Variants in MAML2 observed in about 807,000 individuals in gnomAD.
MAML2 encodes the protein mastermind-like protein 2.
In MAML2, 22 loss-of-function variants were observed where a neutral mutation model predicts 96.1. The observed-to-expected ratio is 0.23, with a 90% CI of 0.16 to 0.33. The LOEUF (loss-of-function observed/expected upper bound fraction) is 0.33. Ranked by LOEUF, MAML2 falls within the 10% of genes least tolerant of loss-of-function variation. The pLI, the probability that MAML2 is intolerant of heterozygous loss-of-function variation, is 1.00. For synonymous variants in MAML2, 561 were observed against 521.3 expected (o/e 1.08, Z -1.04); for missense variants, 1,367 against 1,392.4 (o/e 0.98, Z 0.29).
At chr11:96,102,768 G>C (rs1273860594) in intron 1 of MAML2, among the ~76,000 whole-genome samples, 1 of 152,294 alleles carries the variant, frequency 6.6e-6, no homozygotes, top group East Asian at 1.9e-4. Flanking sequence ...GCAAGGATCT[G>C]AGGGGACATT....
At chr11:95,997,897 T>C (rs1406898080) in intron 2 of MAML2, among the ~76,000 whole-genome samples, 1 of 152,124 alleles carries the variant, frequency 6.6e-6, no homozygotes, top group Non-Finnish European at 1.5e-5. Context: ...TTTAAAATTA[T>C]CTCAAATCAG....
intron 1 of MAML2, among the ~76,000 whole-genome samples, chr11:96,116,307 T>C (rs994150987): frequency 6.6e-6 from 1 of 152,190 alleles, no homozygotes; most frequent in Non-Finnish European, 1.5e-5. Flanking sequence ...ATGGACTCAA[T>C]GTACTCTATG....
At chr11:96,103,500 G>A (rs992826777) in intron 1 of MAML2, among the ~76,000 whole-genome samples, 6 of 152,148 alleles carry the variant, frequency 3.9e-5, no homozygotes, top group South Asian at 2.1e-4. Flanking sequence ...AACAGTGTTC[G>A]AGGGTTGTTT....
At chr11:96,046,352 GT>G (rs934962151) in intron 2 of MAML2, among the ~76,000 whole-genome samples, 14 of 149,180 alleles carry the variant, frequency 9.4e-5, no homozygotes, top group Admixed American at 2.0e-4. Flanking sequence ...TTTGTTGTTG[GT>G]TTTTTTTTTC....
intron 1 of MAML2, among the ~76,000 whole-genome samples, chr11:96,336,187 G>A (rs957897460): frequency 2.0e-5 from 3 of 152,086 alleles, no homozygotes; most frequent in Non-Finnish European, 2.9e-5. Flanking sequence ...TAAAATCTAT[G>A]CATTAAATTA....
intron 1 of MAML2, among the ~76,000 whole-genome samples, chr11:96,184,575 G>A (rs1057393500): frequency 6.6e-6 from 1 of 150,612 alleles, no homozygotes; most frequent in African/African-American, 2.4e-5. Flanking sequence ...AAGCAACTCT[G>A]AATATAGTCA....
At chr11:96,237,210 G>A (rs188016657) in intron 1 of MAML2, among the ~76,000 whole-genome samples, 22 of 152,292 alleles carry the variant, frequency 1.4e-4, no homozygotes, top group African/African-American at 4.1e-4. Context: ...TGGCCAGTCA[G>A]TATTCTTCTC....
chr11:96,165,332 A>G (rs1817868095), intron 1 of MAML2, among the ~76,000 whole-genome samples: 1 of 152,232 alleles, frequency 6.6e-6, no homozygotes. Flanking sequence ...GCAGAGATCC[A>G]TAATTTGCAT....
intron 1 of MAML2, among the ~76,000 whole-genome samples, chr11:96,209,357 G>C (rs117293323): frequency 6.6e-6 from 1 of 152,056 alleles, no homozygotes. Context: ...ATCAAGAAAG[G>C]CTGGGTGCAG....
At chr11:96,035,633 A>G (rs776527432) in intron 2 of MAML2, among the ~76,000 whole-genome samples, 10 of 152,236 alleles carry the variant, frequency 6.6e-5, no homozygotes, top group Non-Finnish European at 1.5e-4. Context: ...AGATCTCAGA[A>G]GGAAGGAAGC....
chr11:96,120,314 C>G (rs566319273), intron 1 of MAML2, among the ~76,000 whole-genome samples: 1 of 152,288 alleles, frequency 6.6e-6, no homozygotes, highest in South Asian at 2.1e-4. Context: ...GGCAGAGAGG[C>G]TGCCATGGTG....
intron 2 of MAML2, among the ~76,000 whole-genome samples, chr11:96,002,621 A>ACAGG (rs1858099451): frequency 7.4e-6 from 1 of 135,998 alleles, no homozygotes; most frequent in Non-Finnish European, 1.6e-5. Context: ...AGGAGGATGG[A>ACAGG]GATGATGATG....
chr11:96,158,065 A>G lies in MAML2; in HGVS notation c.514-64548T>C, dbSNP rs554396408. On this transcript the variant is annotated intron_variant, in intron 1 of 4. Transcript: ENST00000524717. ...AGTATTCAAAAGAAATATAAATCATATTTCCTGTTCTCAAGGTATTCCAAG... is the reference window on the plus strand; with the variant it reads ...AGTATTCAAAAGAAATATAAATCATGTTTCCTGTTCTCAAGGTATTCCAAG... 3.9e-4 allele frequency among the ~76,000 whole-genome samples: 59 copies of G among 152,280 alleles called. 1 individual carries two copies. In the South Asian group the frequency reaches 6.0e-3, roughly 16 times the overall value.
intron 2 of MAML2, among the ~76,000 whole-genome samples, chr11:96,068,214 A>C (rs1221264825): frequency 2.0e-5 from 3 of 152,186 alleles, no homozygotes; most frequent in African/African-American, 7.2e-5. Context: ...TTTTCACTAG[A>C]ATCCTTAGTC....
At chr11:96,166,599 G>A (rs1198473583) in intron 1 of MAML2, among the ~76,000 whole-genome samples, 1 of 152,312 alleles carries the variant, frequency 6.6e-6, no homozygotes, top group East Asian at 1.9e-4. Flanking sequence ...AATAGCTAAA[G>A]CATTGGTGAA....
At position 96,319,608 on chromosome 11, in the gene MAML2, C is replaced by G. The variant is rs940155273; in HGVS notation, c.513+21775G>C. Among the ~76,000 whole-genome samples, 11 of 152,208 alleles carry G rather than the reference C, an allele frequency of 7.2e-5. No homozygotes were observed. In the East Asian group the frequency reaches 2.1e-3, roughly 29 times the overall value. On this transcript the variant is annotated intron_variant, in intron 1 of 4. Coordinates refer to ENST00000524717, the MANE Select transcript of MAML2 (RefSeq NM_032427.4). ...ATATTTTTATGTCTTGCTATGGTCT[C>G]TTTTGCTTTGCTACTCATTGAATTA...
intron 1 of MAML2, among the ~76,000 whole-genome samples, chr11:96,234,899 C>G (rs892152835): frequency 4.0e-5 from 6 of 151,866 alleles, no homozygotes; most frequent in South Asian, 2.1e-4. Flanking sequence ...AATGGAACAC[C>G]CTGTTGTGAA....
intron 1 of MAML2, among the ~76,000 whole-genome samples, chr11:96,149,502 C>T (rs1860885163): frequency 6.6e-6 from 1 of 150,388 alleles, no homozygotes; most frequent in South Asian, 2.1e-4. Flanking sequence ...GAGGCCGAGG[C>T]AGATGGATCA....
intron 2 of MAML2, among the ~76,000 whole-genome samples, chr11:96,008,577 C>T (rs1403512935): frequency 2.0e-5 from 3 of 152,080 alleles, no homozygotes; most frequent in African/African-American, 7.2e-5. Flanking sequence ...ATTAGATCCT[C>T]TTTAGAATTT....
Sources: gnomAD v4.1 joint callset for allele counts (sites outside exome capture counted in the v4.1 genomes callset) on GRCh38, gnomAD v4.1.1 for gene constraint, MANE v1.5 for transcripts, NCBI Gene and HGNC (gene_info 2026-07-23, HGNC 2026-07-21) for gene names.